Variants in BCAR3 observed in about 807,000 individuals in gnomAD.
BCAR3 encodes the protein breast cancer anti-estrogen resistance protein 3.
A neutral mutation model predicts 80.1 loss-of-function variants in BCAR3; 37 were observed. The ratio of observed to expected loss-of-function variants is 0.46; its 90% CI spans 0.36 to 0.61. BCAR3 has a LOEUF of 0.61. Ranked by LOEUF, BCAR3 falls within the 20% of genes least tolerant of loss-of-function variation. BCAR3 has a pLI of 0.00. For missense variants in BCAR3, 978 were observed against 1,068.2 expected (o/e 0.92, Z 1.18); for synonymous variants, 389 against 418.9 (o/e 0.93, Z 0.87).
At chr1:93,623,166 T>C (rs979749096) in intron 3 of BCAR3, among the ~76,000 whole-genome samples, 1 of 152,058 alleles carries the variant, frequency 6.6e-6, no homozygotes, top group African/African-American at 2.4e-5. Context: ...TAGGGAAAGA[T>C]GGGAATAGGA....
chr1:93,779,199 G>C (rs1045897084), intron 2 of BCAR3, among the ~76,000 whole-genome samples: 1 of 147,388 alleles, frequency 6.8e-6, no homozygotes, highest in African/African-American at 2.6e-5. Context: ...GCCACCTAAT[G>C]ATTAACAAAA....
chr1:93,601,895 A>T (rs1243543903), intron 3 of BCAR3, among the ~76,000 whole-genome samples: 1 of 152,176 alleles, frequency 6.6e-6, no homozygotes, highest in Non-Finnish European at 1.5e-5. Flanking sequence ...CCGGAATGCT[A>T]TCAGGGTTCT....
At chr1:93,705,809 G>C (rs1649810446) in intron 3 of BCAR3, among the ~76,000 whole-genome samples, 1 of 151,562 alleles carries the variant, frequency 6.6e-6, no homozygotes, top group African/African-American at 2.4e-5. Context: ...GAACAATTAT[G>C]GTCAGCTATG....
chr1:93,814,961 C>T (rs1653965598), intron 2 of BCAR3, among the ~76,000 whole-genome samples: 1 of 152,206 alleles, frequency 6.6e-6, no homozygotes, highest in Admixed American at 6.5e-5. Flanking sequence ...GGTGCACCCC[C>T]ACACATTCCT....
intron 2 of BCAR3, among the ~76,000 whole-genome samples, chr1:93,797,672 T>C (rs976851832): frequency 1.3e-5 from 2 of 152,012 alleles, no homozygotes; most frequent in African/African-American, 4.8e-5. Flanking sequence ...ATTTTTGATA[T>C]ATTCATTCTA....
At chr1:93,688,150 C>A (rs1008155786) in intron 3 of BCAR3, among the ~76,000 whole-genome samples, 13 of 152,162 alleles carry the variant, frequency 8.5e-5, no homozygotes, top group Admixed American at 8.5e-4. Context: ...TTCCAAAAGG[C>A]CTGTGTGATA....
chr1:93,574,931 G>T (rs1673388380), intron 8 of BCAR3, among the ~76,000 whole-genome samples: 1 of 152,200 alleles, frequency 6.6e-6, no homozygotes, highest in South Asian at 2.1e-4. Context: ...TCAGCATTCT[G>T]GGTATTTTCT....
intron 2 of BCAR3, among the ~76,000 whole-genome samples, chr1:93,816,204 A>G (rs1654010417): frequency 6.6e-6 from 1 of 152,196 alleles, no homozygotes; most frequent in African/African-American, 2.4e-5. Flanking sequence ...AGCTGCACAG[A>G]AAGCCCACTG....
At chr1:93,739,398 T>C (rs1163014445) in intron 2 of BCAR3, among the ~76,000 whole-genome samples, 1 of 152,206 alleles carries the variant, frequency 6.6e-6, no homozygotes, top group South Asian at 2.1e-4. Flanking sequence ...GACCTCTATA[T>C]TTAAAAAAGA....
intron 2 of BCAR3, among the ~76,000 whole-genome samples, chr1:93,779,241 G>A (rs1021188914): frequency 5.9e-5 from 9 of 152,224 alleles, no homozygotes; most frequent in Non-Finnish European, 1.0e-4. Context: ...CTAATTGAAA[G>A]ATGCCATTCC....
Position 93,689,849 on chromosome 1 carries a change from T to A in BCAR3, c.-11-14908A>T, listed in dbSNP as rs372085930. 1.2e-4 allele frequency among the ~76,000 whole-genome samples: 18 copies of A among 152,232 alleles called. No homozygotes were observed. In the East Asian group the frequency reaches 1.9e-3, roughly 16 times the overall value. On this transcript the variant is annotated intron_variant, in intron 3 of 13. Coordinates refer to the BCAR3 transcript ENST00000370244. ...GCAGGGAACAGAAAGCATTTATGCT[T>A]CACCAACTCCCCTATACAGAAGGAG...
At chr1:93,583,099 ACTGT>A in intron 6 of BCAR3, 146 bp from the exon 7 acceptor site, 1 of 1,003,846 alleles carries the variant, frequency 1.0e-6, no homozygotes, top group Non-Finnish European at 1.4e-6. Flanking sequence ...ATTCAGTGTG[ACTGT>A]CCCACGCCCA....
intron 3 of BCAR3, among the ~76,000 whole-genome samples, chr1:93,637,406 C>T (rs947505675): frequency 1.3e-5 from 2 of 152,114 alleles, no homozygotes; most frequent in Admixed American, 6.5e-5. Flanking sequence ...CCACCCACCT[C>T]GGGCTCCCAA....
intron 3 of BCAR3, among the ~76,000 whole-genome samples, chr1:93,635,475 T>A (rs1675753444): frequency 6.6e-6 from 1 of 152,230 alleles, no homozygotes; most frequent in African/African-American, 2.4e-5. Context: ...TGAGGGAGAC[T>A]GTCATCCATA....
At chr1:93,570,654 T>C (rs1184475536) in intron 9 of BCAR3, among the ~76,000 whole-genome samples, 1 of 152,246 alleles carries the variant, frequency 6.6e-6, no homozygotes, top group East Asian at 1.9e-4. Context: ...ACAGTCTGTT[T>C]TAGGTGACCT....
intron 3 of BCAR3, among the ~76,000 whole-genome samples, chr1:93,619,055 C>T (rs1264377174): frequency 6.6e-6 from 1 of 151,306 alleles, no homozygotes; most frequent in African/African-American, 2.4e-5. Context: ...TCTCCTGCCT[C>T]AGCCTCCCGA....
chr1:93,732,205 A>T (rs1650813341), intron 2 of BCAR3, among the ~76,000 whole-genome samples: 1 of 152,124 alleles, frequency 6.6e-6, no homozygotes, highest in Non-Finnish European at 1.5e-5. Context: ...TGGGGGTGAA[A>T]CCTGTTCCTA....
chr1:93,835,472 T>C (rs1403952936), intron 2 of BCAR3, among the ~76,000 whole-genome samples: 1 of 152,166 alleles, frequency 6.6e-6, no homozygotes, highest in Non-Finnish European at 1.5e-5. Context: ...CTTCCACCTA[T>C]CAATCTCCTC....
At chr1:93,761,297 A>G (rs1478191173) in intron 2 of BCAR3, among the ~76,000 whole-genome samples, 2 of 152,132 alleles carry the variant, frequency 1.3e-5, no homozygotes, top group African/African-American at 4.8e-5. Flanking sequence ...TTGTCTTTAA[A>G]AAGTTGGAAC....
Sources: gnomAD v4.1 joint callset for allele counts (sites outside exome capture counted in the v4.1 genomes callset) on GRCh38, gnomAD v4.1.1 for gene constraint, MANE v1.5 for transcripts, NCBI Gene and HGNC (gene_info 2026-07-23, HGNC 2026-07-21) for gene names.